The following REV3L variants were observed in gnomAD, a reference collection of about 807,000 sequenced individuals.
REV3L encodes REV3 like, DNA directed polymerase zeta catalytic subunit.
Under a neutral mutation model 299.4 loss-of-function variants are expected in REV3L, and 69 were observed. The observed-to-expected ratio is 0.23, with a 90% CI of 0.19 to 0.28. The LOEUF (loss-of-function observed/expected upper bound fraction) is 0.28, where lower values mean the gene tolerates loss of function less well. Among genes scored for constraint, REV3L ranks in the 10% least tolerant of loss-of-function variants. The probability of loss-of-function intolerance (pLI) is 1.00; values close to 1 mark genes in which losing one functional copy is unlikely to be tolerated. For missense variants in REV3L, 3,128 were observed against 3,693.8 expected (o/e 0.85, Z 3.97); for synonymous variants, 1,238 against 1,271.4 (o/e 0.97, Z 0.56).
chr6:111,370,583 T>G (rs1032670053), intron 13 of REV3L, among the ~76,000 whole-genome samples: 4 of 152,210 alleles, frequency 2.6e-5, no homozygotes, highest in South Asian at 4.1e-4. Flanking sequence ...TGAAACAAAT[T>G]AACATATCCA....
At chr6:111,390,223 C>A in intron 5 of REV3L, 43 bp from the exon 6 acceptor site, 1 of 1,210,744 alleles carries the variant, frequency 8.3e-7, no homozygotes, top group Non-Finnish European at 1.2e-6. Flanking sequence ...TATGTGAGAG[C>A]AAACTTTCTA....
chr6:111,460,930 C>T (rs1032626852), intron 1 of REV3L, among the ~76,000 whole-genome samples: 3 of 152,024 alleles, frequency 2.0e-5, no homozygotes, highest in African/African-American at 7.2e-5. Flanking sequence ...GAGTTACTCA[C>T]GTGTTTGTGG....
At chr6:111,395,000 T>C (rs1782339819) in intron 4 of REV3L, among the ~76,000 whole-genome samples, 1 of 152,190 alleles carries the variant, frequency 6.6e-6, no homozygotes, top group South Asian at 2.1e-4. Context: ...CCTATGTGTC[T>C]GTTTTTATAC....
rs1241877035 is a variant in REV3L at position 111,307,655 on chromosome 6, G to GCATT, written c.9043-89_9043-86dup. ...TCATGCTAATTACAGGTTTACTCAG[G>GCATT]CATTCATTCATTCGTTCATTCACTC... On this transcript the variant is annotated intron_variant, in intron 30 of 31. Coordinates refer to ENST00000368802, the MANE Select transcript of REV3L (RefSeq NM_001372078.1). 3.7e-5 allele frequency: 47 copies of GCATT among 1,277,860 alleles called. 1 individual carries two copies. The Admixed American group carries it at 6.3e-4, about 17-fold the overall frequency. The allele number at this position is 1,277,860 out of a possible 1,614,324, so 79.2% of individuals were successfully genotyped here. A position where few individuals can be genotyped will look rare whatever the true frequency, so the allele number is the denominator to read the frequency against.
intron 1 of REV3L, among the ~76,000 whole-genome samples, chr6:111,466,064 TGA>T (rs1277616881): frequency 5.3e-5 from 8 of 152,210 alleles, no homozygotes; most frequent in Admixed American, 5.2e-4. Context: ...TACAGCAGTC[TGA>T]GAGGGAAATT....
chr6:111,310,994 G>T, intron 29 of REV3L, 75 bp downstream of exon 29: 2 of 1,195,744 alleles, frequency 1.7e-6, no homozygotes, highest in Non-Finnish European at 1.1e-6. Flanking sequence ...TCTATGGACT[G>T]TCTTTTCATT....
At chr6:111,366,113 T>A (rs532277535) in intron 14 of REV3L, among the ~76,000 whole-genome samples, 1 of 152,290 alleles carries the variant, frequency 6.6e-6, no homozygotes, top group Non-Finnish European at 1.5e-5. Flanking sequence ...AACTAAGAAA[T>A]GATGGCACTA....
In REV3L at chr6:111,399,603, G is replaced by T. The variant is rs569288792; in HGVS notation, c.565+5867C>A. 8.5e-4 allele frequency among the ~76,000 whole-genome samples: 130 copies of T among 152,230 alleles called. 1 individual carries two copies. The highest frequency in any genetic ancestry group is 3.0e-3 in the African/African-American group (124 of 41,532). ...TGCTTTTCATGACCTTTGCAGTCAT[G>T]AGAACTGATGAGATAACCTGTAGGA... On this transcript the variant is annotated intron_variant, in intron 4 of 31. Coordinates refer to ENST00000368802, the MANE Select transcript of REV3L (RefSeq NM_001372078.1).
chr6:111,411,907 CCA>C, intron 2 of REV3L: 2 of 860,684 alleles, frequency 2.3e-6, no homozygotes, highest in Non-Finnish European at 2.8e-6. Context: ...TTTCTTTACT[CCA>C]CATATAAGAA....
chr6:111,460,639 TAGAC>T (rs773866218), intron 1 of REV3L, among the ~76,000 whole-genome samples: 78 of 152,026 alleles, frequency 5.1e-4, no homozygotes, highest in Non-Finnish European at 8.8e-4. Flanking sequence ...GTTCTTCAGG[TAGAC>T]AGAATGATAC....
chr6:111,476,023 C>G (rs1003059474), intron 1 of REV3L, among the ~76,000 whole-genome samples: 1 of 152,176 alleles, frequency 6.6e-6, no homozygotes, highest in African/African-American at 2.4e-5. Context: ...TTGAATACCC[C>G]TTATCTGAAA....
intron 1 of REV3L, among the ~76,000 whole-genome samples, chr6:111,440,503 C>T (rs1197914654): frequency 1.3e-5 from 2 of 151,624 alleles, no homozygotes; most frequent in Non-Finnish European, 3.0e-5. Flanking sequence ...ATTCCTGGTC[C>T]AAAACTGCAA....
intron 31 of REV3L, among the ~76,000 whole-genome samples, chr6:111,301,340 C>T (rs1771499384): frequency 6.6e-6 from 1 of 152,102 alleles, no homozygotes; most frequent in Admixed American, 6.5e-5. Context: ...TGCCTCTTTG[C>T]TGTTGTGATA....
intron 26 of REV3L, among the ~76,000 whole-genome samples, chr6:111,317,309 T>C (rs1773645691): frequency 6.6e-6 from 1 of 152,250 alleles, no homozygotes. Context: ...TATTCAACTC[T>C]ACTAAAAGTC....
intron 9 of REV3L, among the ~76,000 whole-genome samples, chr6:111,383,323 A>C (rs535247607): frequency 5.2e-4 from 79 of 152,334 alleles, no homozygotes; most frequent in African/African-American, 1.8e-3. Context: ...CAAATTGGAA[A>C]GGAAGAAGTC....
At chr6:111,483,602 G>C (rs1308841652), upstream of REV3L, 1 of 450,252 alleles carries the variant, frequency 2.2e-6, no homozygotes, top group Admixed American at 2.4e-5. Flanking sequence ...CACTTGCCTC[G>C]CCGACCGCCA....
At chr6:111,429,679 T>C (rs1445498662) in intron 1 of REV3L, among the ~76,000 whole-genome samples, 2 of 152,066 alleles carry the variant, frequency 1.3e-5, no homozygotes, top group Non-Finnish European at 2.9e-5. Context: ...GGTGGAGTTA[T>C]AGGAAAGAGG....
intron 21 of REV3L, among the ~76,000 whole-genome samples, chr6:111,337,493 C>T (rs1776032089): frequency 6.6e-6 from 1 of 152,080 alleles, no homozygotes; most frequent in Admixed American, 6.6e-5. Flanking sequence ...GTATGATGAA[C>T]ATTTTTAAAG....
intron 7 of REV3L, 68 bp from the exon 8 acceptor site, chr6:111,388,153 A>G: frequency 3.7e-6 from 4 of 1,069,874 alleles, no homozygotes; most frequent in Non-Finnish European, 5.5e-6. Context: ...CCTTCTCCTA[A>G]AGTAGCTTTA....
Sources: allele counts gnomAD v4.1 joint callset (sites outside exome capture counted in the v4.1 genomes callset), GRCh38; gene constraint gnomAD v4.1.1; transcripts MANE v1.5; gene names NCBI Gene and HGNC (gene_info 2026-07-23, HGNC 2026-07-21).